Variants in TRAF6 observed in about 807,000 individuals in gnomAD.
The protein encoded by TRAF6 is TNF receptor-associated factor 6.
Under a neutral mutation model 48.4 loss-of-function variants are expected in TRAF6, and 10 were observed. The observed-to-expected ratio is 0.21, with a 90% CI of 0.13 to 0.35. The LOEUF is 0.35. Among genes scored for constraint, TRAF6 ranks in the 10% least tolerant of loss-of-function variants. The pLI is 1.00. For synonymous variants in TRAF6, 186 were observed against 219.6 expected, an observed-to-expected ratio of 0.85 and a Z score of 1.35; for missense variants, 397 against 661.0, an observed-to-expected ratio of 0.60 and a Z score of 4.38.
At chr11:36,497,740 C>T (rs1402037401) in intron 3 of TRAF6, among the ~76,000 whole-genome samples, 1 of 151,934 alleles carries the variant, frequency 6.6e-6, no homozygotes, top group Non-Finnish European at 1.5e-5. Flanking sequence ...AAACTATAGG[C>T]GTATTCCACT....
At position 36,486,814 on chromosome 11, in the gene TRAF6, C is replaced by T. The variant is rs777819141; in HGVS notation, c.*3024G>A. 1.3e-5 allele frequency among the ~76,000 whole-genome samples: 2 copies of T among 152,108 alleles called. No individual in the cohort carries two copies. The highest frequency in any genetic ancestry group is 4.8e-5 in the African/African-American group (2 of 41,368). ...ATCCAACAGTGGGTTGGACGCTGGGCGTGGTGGCTCATGCCTGTAATCCCA... is the reference window on the plus strand; with the variant it reads ...ATCCAACAGTGGGTTGGACGCTGGGTGTGGTGGCTCATGCCTGTAATCCCA... On this transcript the variant is annotated 3_prime_UTR_variant, in exon 7 of 7. Transcript: ENST00000526995.
Position 36,510,110 on chromosome 11 carries a change from C to A in TRAF6, c.-85G>T, listed in dbSNP as rs1859888938. ...GGCTCCCCCACCAACCGCACGACTCCGCTCAGCCAAGGCGCTGGTAGAGGA... is the reference window on the plus strand; with the variant it reads ...GGCTCCCCCACCAACCGCACGACTCAGCTCAGCCAAGGCGCTGGTAGAGGA... On this transcript the variant is annotated 5_prime_UTR_variant, in exon 1 of 7. Transcript: ENST00000526995. 1 of 152,616 alleles carries A rather than the reference C, an allele frequency of 6.6e-6. No individual in the cohort carries two copies. The highest frequency in any genetic ancestry group is 1.9e-4 in the East Asian group (1 of 5,162). 9.5% of individuals were successfully genotyped at this position (152,616 alleles called of 1,614,324 possible).
chr11:36,490,412 C>T lies in TRAF6; in HGVS notation c.995G>A (p.Arg332Gln), dbSNP rs780561325. The T allele has an allele frequency of 3.1e-6, 5 of 1,614,066 alleles. No individual in the cohort carries two copies. Among genetic ancestry groups the T allele is most frequent in the African/African-American group, 1.3e-5 (1 of 75,022 alleles). ...TTTGTCCTCAAGGGTTCGAATGGTTCGTTTGAGCTCACTTACATACATACT... is the reference window on the plus strand; with the variant it reads ...TTTGTCCTCAAGGGTTCGAATGGTTTGTTTGAGCTCACTTACATACATACT... ...TQSMYVSELK[R>Q]TIRTLEDKVA... The change falls in exon 7 of 7, where the codon CGA (arginine) becomes CAA (glutamine). Residue 332 changes from arginine to glutamine, a missense_variant. Around this residue, in one of 4 missense-constraint regions of TRAF6, gnomAD observed 245 missense variants for 349.1 expected, o/e 0.70. Transcript: ENST00000526995. This position sits in a 1 kb window ranked among gnomAD's most constrained non-coding sequence, Gnocchi z 6.4.
rs1469655080 is a variant in TRAF6 at position 36,486,854 on chromosome 11, T to C, written c.*2984A>G. 1.3e-5 allele frequency among the ~76,000 whole-genome samples: 2 copies of C among 152,054 alleles called. No homozygotes were observed. The highest frequency in any genetic ancestry group is 4.8e-5 in the African/African-American group (2 of 41,362). On this transcript the variant is annotated 3_prime_UTR_variant, in exon 7 of 7. Coordinates refer to ENST00000526995, the MANE Select transcript of TRAF6 (RefSeq NM_004620.4). The stretch of plus-strand genomic sequence containing the variant: ...CTGTAATCCCAGCACTTTGGGAGGC[T>C]GAGGCGGGCGGATCATCTGAGGTCA...
intron 2 of TRAF6, 92 bp from the exon 3 acceptor site, chr11:36,498,732 A>C: frequency 7.5e-7 from 1 of 1,327,118 alleles, no homozygotes; most frequent in Non-Finnish European, 1.0e-6. Flanking sequence ...TTCTCCATTT[A>C]CTGTTTCATA....
rs1455003770 is a variant in TRAF6, at chr11:36,484,129, G to A, written c.*5709C>T. Among the ~76,000 whole-genome samples the A allele has an allele frequency of 6.6e-6, 1 of 152,192 alleles. No individual in the cohort carries two copies. Among genetic ancestry groups the A allele is most frequent in the Non-Finnish European group, 1.5e-5 (1 of 68,032 alleles). ...TATTGACCTGATGGAGGCCATCCGAGGTTTCACTGCCATTAGGAGCAGGGC... is the reference window on the plus strand; with the variant it reads ...TATTGACCTGATGGAGGCCATCCGAAGTTTCACTGCCATTAGGAGCAGGGC... On this transcript the variant is annotated 3_prime_UTR_variant, in exon 7 of 7. Transcript: ENST00000526995.
Position 36,486,668 on chromosome 11 carries a change from C to G in TRAF6, c.*3170G>C, listed in dbSNP as rs1271098847. Among the ~76,000 whole-genome samples, 1 of 152,154 alleles carries G rather than the reference C, an allele frequency of 6.6e-6. No individual in the cohort carries two copies. The highest frequency in any genetic ancestry group is 2.4e-5 in the African/African-American group (1 of 41,394). ...TTTATCCCCAAAATAAAAGTTAAAT[C>G]ATATTGTAGTATACCAATAAACAGT... On this transcript the variant is annotated 3_prime_UTR_variant, in exon 7 of 7. Coordinates refer to ENST00000526995, the MANE Select transcript of TRAF6 (RefSeq NM_004620.4).
At chr11:36,492,810 A>C (rs1859581982) in intron 5 of TRAF6, among the ~76,000 whole-genome samples, 182 bp from the exon 6 acceptor site, 2 of 152,242 alleles carry the variant, frequency 1.3e-5, no homozygotes, top group African/African-American at 2.4e-5. Flanking sequence ...GTTATAGAGA[A>C]AGGAAATATC....
intron 1 of TRAF6, among the ~76,000 whole-genome samples, chr11:36,509,429 T>C (rs1859868060): frequency 6.6e-6 from 1 of 151,976 alleles, no homozygotes; most frequent in South Asian, 2.1e-4. Flanking sequence ...CTGAGCCTTT[T>C]TTTTTTTTTA....
At chr11:36,495,183 G>A in intron 4 of TRAF6, 136 bp from the exon 5 acceptor site, 2 of 604,830 alleles carry the variant, frequency 3.3e-6, no homozygotes, top group Non-Finnish European at 5.9e-6. Context: ...GTGAGTGAAA[G>A]TGAGAGTAAT....
chr11:36,488,929 C>T lies in TRAF6; in HGVS notation c.*909G>A, dbSNP rs980792278. 6.6e-5 allele frequency: 10 copies of T among 152,200 alleles called. No homozygotes were observed. The highest frequency in any genetic ancestry group is 1.9e-4 in the East Asian group (1 of 5,202). The allele number at this position is 152,200 out of a possible 1,614,324, so 9.4% of individuals were successfully genotyped here. Reference sequence around the variant, plus strand: ...GTCACCACCAATGAGATGCCACATGCGCTGACTACTTGGGTCACTTTTAAT... The same window carrying T: ...GTCACCACCAATGAGATGCCACATGTGCTGACTACTTGGGTCACTTTTAAT... On this transcript the variant is annotated 3_prime_UTR_variant, in exon 7 of 7. Transcript: ENST00000526995.
At position 36,498,639 on chromosome 11, in the gene TRAF6, C is replaced by T. The variant is rs1859672400; in HGVS notation, c.298G>A (p.Asp100Asn). 1 of 1,603,354 alleles carries T rather than the reference C, an allele frequency of 6.2e-7. No homozygotes were observed. The highest frequency in any genetic ancestry group is 2.2e-5 in the East Asian group (1 of 44,494). ...TCAACTGGACATTTGTGACCTGCAT[C>T]CCTAACAGAAACAAAATACACACAA... ...CKACIIKSIR[D>N]AGHKCPVDNE... is the part of the protein sequence containing the mutation. The change falls in exon 3 of 7, where the codon GAT becomes AAT. Residue 100 changes from aspartate (D) to asparagine (N), a missense_variant and splice_region_variant. By Grantham distance (23) the Asp-to-Asn change is conservative (BLOSUM62 1). This residue lies in a region of TRAF6 where 245 missense variants were observed against 349.1 expected (regional missense o/e 0.70). Coordinates refer to ENST00000526995, the MANE Select transcript of TRAF6 (RefSeq NM_004620.4).
chr11:36,499,123 G>A (rs1028954456), intron 2 of TRAF6, among the ~76,000 whole-genome samples: 2 of 152,122 alleles, frequency 1.3e-5, no homozygotes, highest in Non-Finnish European at 2.9e-5. Flanking sequence ...ACATTTTAAA[G>A]TTTACTCTGA....
intron 1 of TRAF6, among the ~76,000 whole-genome samples, chr11:36,501,990 G>A (rs1859723373): frequency 6.6e-6 from 1 of 152,158 alleles, no homozygotes; most frequent in Admixed American, 6.5e-5. Flanking sequence ...ACTAAGCATC[G>A]CTAAAGAACT....
At chr11:36,493,032 C>T (rs968705698) in intron 5 of TRAF6, among the ~76,000 whole-genome samples, 1 of 152,142 alleles carries the variant, frequency 6.6e-6, no homozygotes, top group African/African-American at 2.4e-5. Flanking sequence ...CTGACTACAC[C>T]CATACTTGCC....
chr11:36,505,780 A>G (rs528611574), intron 1 of TRAF6, among the ~76,000 whole-genome samples: 1 of 152,166 alleles, frequency 6.6e-6, no homozygotes, highest in Non-Finnish European at 1.5e-5. Flanking sequence ...GAACACTTAG[A>G]GGCCATTGTA....
intron 2 of TRAF6, among the ~76,000 whole-genome samples, chr11:36,500,008 C>A (rs529200454): frequency 1.3e-5 from 2 of 152,326 alleles, no homozygotes; most frequent in East Asian, 3.9e-4. Context: ...CAAGTACTTT[C>A]ATTCAGTTAA....
In TRAF6 at chr11:36,485,699, G is replaced by A. The variant is rs915573004; in HGVS notation, c.*4139C>T. On this transcript the variant is annotated 3_prime_UTR_variant, in exon 7 of 7. Transcript: ENST00000526995. ...GCTTTAAAATATTACACACACAAGT[G>A]ACATTTAGTGAAACAACCAGGCACC... Among the ~76,000 whole-genome samples, 4 of 152,088 alleles carry A rather than the reference G, an allele frequency of 2.6e-5. No individual in the cohort carries two copies. Among genetic ancestry groups the A allele is most frequent in the South Asian group, 4.1e-4 (2 of 4,828 alleles).
chr11:36,500,892 T>C (rs1021898425), intron 2 of TRAF6, among the ~76,000 whole-genome samples: 3 of 152,094 alleles, frequency 2.0e-5, no homozygotes, highest in Non-Finnish European at 4.4e-5. Flanking sequence ...TCTAGTAGCA[T>C]CATAATTTAA....
Sources: gnomAD v4.1 joint callset for allele counts (sites outside exome capture counted in the v4.1 genomes callset) on GRCh38, gnomAD v4.1.1 for gene constraint, gnomAD v4.1.1 regional missense constraint, Gnocchi (gnomAD v3.1) non-coding constraint, MANE v1.5 for transcripts, NCBI Gene and HGNC (gene_info 2026-07-23, HGNC 2026-07-21) for gene names.